PITPNC1: variants seen among roughly 807,000 people sequenced by gnomAD.
PITPNC1 encodes phosphatidylinositol transfer protein cytoplasmic 1.
In PITPNC1, 18 loss-of-function variants were observed where a neutral mutation model predicts 44.7. The observed-to-expected ratio is 0.40, with a 90% CI of 0.28 to 0.60. The LOEUF is 0.60. PITPNC1 is among the 20% of genes least tolerant of loss of function. PITPNC1 has a pLI of 0.39. For missense variants in PITPNC1, 290 were observed against 418.4 expected (o/e 0.69, Z 2.68); for synonymous variants, 141 against 149.6 (o/e 0.94, Z 0.42).
At chr17:67,417,060 C>T (rs762598193) in intron 1 of PITPNC1, among the ~76,000 whole-genome samples, 16 of 152,106 alleles carry the variant, frequency 1.1e-4, no homozygotes, top group South Asian at 4.2e-4. Context: ...GTGATCCGAC[C>T]GCCTCAGCCT....
intron 2 of PITPNC1, among the ~76,000 whole-genome samples, chr17:67,543,531 C>T (rs1452070046): frequency 1.3e-5 from 2 of 152,172 alleles, no homozygotes; most frequent in Non-Finnish European, 2.9e-5. Context: ...AGTGGTATCT[C>T]GCTGTAGTTT....
intron 1 of PITPNC1, among the ~76,000 whole-genome samples, chr17:67,491,125 C>T (rs1352643870): frequency 3.3e-5 from 5 of 152,224 alleles, no homozygotes; most frequent in Non-Finnish European, 5.9e-5. Flanking sequence ...AGGGAGGTGA[C>T]CTCCTCACAG....
chr17:67,393,172 A>G (rs1013637622), intron 1 of PITPNC1, among the ~76,000 whole-genome samples: 7 of 152,034 alleles, frequency 4.6e-5, no homozygotes, highest in African/African-American at 1.7e-4. Flanking sequence ...AAATATACAC[A>G]TAACATTTGC....
intron 1 of PITPNC1, among the ~76,000 whole-genome samples, chr17:67,418,133 G>T (rs1156539820): frequency 6.6e-6 from 1 of 152,168 alleles, no homozygotes; most frequent in Non-Finnish European, 1.5e-5. Context: ...AGATGATTTG[G>T]ATCTTTAAGG....
intron 1 of PITPNC1, among the ~76,000 whole-genome samples, chr17:67,447,200 C>T (rs908784563): frequency 1.3e-5 from 2 of 151,332 alleles, no homozygotes; most frequent in Non-Finnish European, 3.0e-5. Context: ...AGATTCACTC[C>T]TTATCTATGA....
chr17:67,378,134 G>A lies in PITPNC1; in HGVS notation c.-21G>A, dbSNP rs746043632. ...GGGCGCCCCCCGCTTCCCGCCCCGG[G>A]GGTCCGCGGCCGGCAGGACCATGCT... On this transcript the variant is annotated 5_prime_UTR_variant, in exon 1 of 9. Coordinates refer to ENST00000581322, the MANE Select transcript of PITPNC1 (RefSeq NM_012417.4). 5.2e-6 allele frequency: 8 copies of A among 1,526,114 alleles called. No individual in the cohort carries two copies. In the African/African-American group the frequency reaches 1.1e-4, roughly 22 times the overall value. The allele number at this position is 1,526,114 out of a possible 1,614,324, so 94.5% of individuals were successfully genotyped here.
intron 1 of PITPNC1, among the ~76,000 whole-genome samples, chr17:67,492,962 G>A (rs139449856): frequency 4.8e-4 from 73 of 152,270 alleles, no homozygotes; most frequent in Non-Finnish European, 8.7e-4. Flanking sequence ...ATTCTGTTTC[G>A]TTCCTTTCTG....
intron 6 of PITPNC1, among the ~76,000 whole-genome samples, chr17:67,658,128 A>T (rs1182298711): frequency 6.6e-6 from 1 of 152,206 alleles, no homozygotes; most frequent in African/African-American, 2.4e-5. Context: ...AGCTCAGACT[A>T]TGGCCCTGGT....
chr17:67,488,230 C>T (rs2144039520), intron 1 of PITPNC1, among the ~76,000 whole-genome samples: 1 of 152,268 alleles, frequency 6.6e-6, no homozygotes, highest in East Asian at 1.9e-4. Context: ...AGAAAAAGTC[C>T]CCACGATAAA....
intron 1 of PITPNC1, chr17:67,378,898 G>A (rs2037913467): frequency 1.2e-6 from 1 of 831,544 alleles, no homozygotes; most frequent in Non-Finnish European, 1.5e-6. Context: ...GCCACAGGAG[G>A]GCGCTCCAGC....
At chr17:67,667,578 A>G (rs1473653196) in intron 6 of PITPNC1, among the ~76,000 whole-genome samples, 1 of 151,422 alleles carries the variant, frequency 6.6e-6, no homozygotes, top group Non-Finnish European at 1.5e-5. Flanking sequence ...TACATGTTCT[A>G]AGGTATCTCT....
chr17:67,489,424 C>T (rs1387142040), intron 1 of PITPNC1, among the ~76,000 whole-genome samples: 2 of 152,330 alleles, frequency 1.3e-5, no homozygotes, highest in Middle Eastern at 3.4e-3. Context: ...CTTCCTTCTC[C>T]TTTTCTTCCT....
chr17:67,588,573 G>C (rs2041352021), intron 5 of PITPNC1, among the ~76,000 whole-genome samples: 1 of 152,080 alleles, frequency 6.6e-6, no homozygotes, highest in Non-Finnish European at 1.5e-5. Context: ...TTACTTAGTA[G>C]CTGTCTCGGT....
intron 1 of PITPNC1, among the ~76,000 whole-genome samples, chr17:67,527,519 A>AT (rs2040405613): frequency 6.6e-6 from 1 of 151,918 alleles, no homozygotes; most frequent in African/African-American, 2.4e-5. Flanking sequence ...CCTGGCCAAC[A>AT]TGGCGAAACC....
chr17:67,656,444 A>G (rs1225102971), intron 6 of PITPNC1, among the ~76,000 whole-genome samples: 1 of 152,074 alleles, frequency 6.6e-6, no homozygotes, highest in African/African-American at 2.4e-5. Context: ...CTCCCACTTA[A>G]TCCAGCATGA....
intron 4 of PITPNC1, among the ~76,000 whole-genome samples, chr17:67,563,031 TCCTGGAAGATAATAAGC>T (rs1255072556): frequency 3.9e-5 from 6 of 152,280 alleles, no homozygotes; most frequent in African/African-American, 1.4e-4. Flanking sequence ...AGCCTCAGAG[TCCTGGAAGATAATAAGC>T]CCTAAACTCT....
intron 7 of PITPNC1, among the ~76,000 whole-genome samples, chr17:67,672,877 C>G (rs1281311320): frequency 3.3e-5 from 5 of 151,990 alleles, no homozygotes. Context: ...TCTCTGAACA[C>G]CTTTGTTTTT....
intron 1 of PITPNC1, chr17:67,525,550 A>C (rs2040381320): frequency 6.6e-6 from 1 of 152,234 alleles, no homozygotes; most frequent in South Asian, 2.1e-4. Flanking sequence ...TAGCTTTCTG[A>C]GATGAGGTTG....
chr17:67,547,837 T>G (rs1441204089), intron 2 of PITPNC1, among the ~76,000 whole-genome samples: 1 of 152,194 alleles, frequency 6.6e-6, no homozygotes, highest in Non-Finnish European at 1.5e-5. Context: ...CCCCTGAACC[T>G]TCTTATTAAA....
Sources: allele counts gnomAD v4.1 joint callset (sites outside exome capture counted in the v4.1 genomes callset), GRCh38; gene constraint gnomAD v4.1.1; transcripts MANE v1.5; gene names NCBI Gene and HGNC (gene_info 2026-07-23, HGNC 2026-07-21).